The following KCNH8 variants were observed in gnomAD, a reference collection of about 807,000 sequenced individuals.
The protein encoded by KCNH8 is potassium voltage-gated channel subfamily H member 8, also known as voltage-gated delayed rectifier potassium channel KCNH8.
A neutral mutation model predicts 103.6 loss-of-function variants in KCNH8; 70 were observed. That is an observed-to-expected ratio of 0.68 (90% CI 0.56 to 0.82). The LOEUF (loss-of-function observed/expected upper bound fraction) is 0.82. Ranked by LOEUF, KCNH8 falls within the 40% of genes least tolerant of loss-of-function variation. KCNH8 has a pLI of 0.00. For missense variants in KCNH8, 1,217 were observed against 1,329.9 expected, an observed-to-expected ratio of 0.92 and a Z score of 1.32; for synonymous variants, 498 against 489.4, an observed-to-expected ratio of 1.02 and a Z score of -0.23.
At chr3:19,487,382 G>T (rs1211597578) in intron 11 of KCNH8, among the ~76,000 whole-genome samples, 1 of 152,196 alleles carries the variant, frequency 6.6e-6, no homozygotes, top group Non-Finnish European at 1.5e-5. Context: ...GTCCTGCACT[G>T]GCCGGTAGTC....
At chr3:19,304,758 A>C (rs1458269222) in intron 3 of KCNH8, among the ~76,000 whole-genome samples, 1 of 152,190 alleles carries the variant, frequency 6.6e-6, no homozygotes, top group Non-Finnish European at 1.5e-5. Flanking sequence ...TGTGCTGTCC[A>C]GTACAGTAAC....
Position 19,281,335 on chromosome 3 carries a change from T to C in KCNH8, c.442+6T>C. 6.3e-7 allele frequency: 1 copy of C among 1,584,070 alleles called. No individual in the cohort carries two copies. Among genetic ancestry groups the C allele is most frequent in the South Asian group, 1.2e-5 (1 of 85,076 alleles). ...TCCAGAAGATAAAAAAGAAGGTTTG[T>C]ACCGTTTTCAGAAAACATTGACAGA... On this transcript the variant is annotated splice_donor_region_variant and intron_variant, in intron 3 of 15. Coordinates refer to ENST00000328405, the MANE Select transcript of KCNH8 (RefSeq NM_144633.3).
At chr3:19,470,983 C>T (rs2067844370) in intron 11 of KCNH8, among the ~76,000 whole-genome samples, 1 of 152,040 alleles carries the variant, frequency 6.6e-6, no homozygotes, top group Non-Finnish European at 1.5e-5. Context: ...CGACATATAC[C>T]CTGCAAAGAG....
chr3:19,167,876 TGTGA>T (rs556693960), intron 1 of KCNH8, among the ~76,000 whole-genome samples: 59 of 152,322 alleles, frequency 3.9e-4, no homozygotes, highest in Non-Finnish European at 7.5e-4. Context: ...TGTGTTTGTG[TGTGA>T]GTGTGTGTGT....
chr3:19,424,200 T>C (rs1006902836), intron 7 of KCNH8, among the ~76,000 whole-genome samples: 20 of 152,024 alleles, frequency 1.3e-4, no homozygotes, highest in African/African-American at 4.6e-4. Flanking sequence ...TTACCTGATA[T>C]ACTACAAGGC....
intron 10 of KCNH8, among the ~76,000 whole-genome samples, chr3:19,451,981 TATTA>T (rs1464026617): frequency 6.6e-6 from 1 of 152,186 alleles, no homozygotes; most frequent in Non-Finnish European, 1.5e-5. Context: ...TGACTCTCAA[TATTA>T]ATACATAATT....
At chr3:19,230,467 T>G (rs2063981464) in intron 1 of KCNH8, among the ~76,000 whole-genome samples, 1 of 152,180 alleles carries the variant, frequency 6.6e-6, no homozygotes, top group Admixed American at 6.5e-5. Flanking sequence ...CAGAACCAGA[T>G]AGCATAAATA....
At chr3:19,349,557 A>C (rs987857178) in intron 5 of KCNH8, among the ~76,000 whole-genome samples, 1 of 152,036 alleles carries the variant, frequency 6.6e-6, no homozygotes, top group Non-Finnish European at 1.5e-5. Flanking sequence ...GTTATTTACA[A>C]CTTTGTTATT....
intron 1 of KCNH8, among the ~76,000 whole-genome samples, chr3:19,206,600 T>TG (rs2063719294): frequency 6.6e-6 from 1 of 152,032 alleles, no homozygotes; most frequent in African/African-American, 2.4e-5. Flanking sequence ...TGTCATCTTA[T>TG]GGGGGCTGGG....
chr3:19,206,683 C>T (rs2063720343), intron 1 of KCNH8, among the ~76,000 whole-genome samples: 2 of 151,796 alleles, frequency 1.3e-5, no homozygotes, highest in Non-Finnish European at 1.5e-5. Flanking sequence ...GTAGCATTAC[C>T]CAGTTGTGAC....
At chr3:19,372,457 G>T (rs988582050) in intron 5 of KCNH8, among the ~76,000 whole-genome samples, 3 of 150,946 alleles carry the variant, frequency 2.0e-5, no homozygotes, top group Non-Finnish European at 4.5e-5. Context: ...TTTGTACATT[G>T]ATTTTGTATC....
In KCNH8 at chr3:19,533,962, T is replaced by A. The variant is rs1270868914; in HGVS notation, c.3187T>A (p.Phe1063Ile). 1 of 1,614,126 alleles carries A rather than the reference T, an allele frequency of 6.2e-7. No homozygotes were observed. The highest frequency in any genetic ancestry group is 1.7e-5 in the Admixed American group (1 of 60,026). Residue 1063 changes from phenylalanine to isoleucine, a missense_variant, in exon 16 of 16, where the codon TTC becomes ATC. This residue lies in a region of KCNH8 where 558 missense variants were observed against 495.8 expected (regional missense o/e 1.13). Transcript: ENST00000328405. Reference protein sequence around the residue: ...GSFSQGTVSSFSLENLPGSWN... With the variant: ...GSFSQGTVSSISLENLPGSWN... ...CTTCAGTCAGGGAACTGTGAGTTCC[T>A]TCAGTCTGGAAAACTTACCAGGATC...
At chr3:19,226,893 A>G (rs1354762332) in intron 1 of KCNH8, among the ~76,000 whole-genome samples, 2 of 152,218 alleles carry the variant, frequency 1.3e-5, no homozygotes, top group African/African-American at 4.8e-5. Context: ...TGATTTGTAT[A>G]CAATTCTGCA....
chr3:19,376,357 A>C (rs962476344), intron 5 of KCNH8, among the ~76,000 whole-genome samples: 1 of 151,870 alleles, frequency 6.6e-6, no homozygotes, highest in African/African-American at 2.4e-5. Flanking sequence ...GAGTGACCCG[A>C]TTTTCCAGGT....
At chr3:19,226,857 A>G (rs1003546840) in intron 1 of KCNH8, among the ~76,000 whole-genome samples, 6 of 152,188 alleles carry the variant, frequency 3.9e-5, no homozygotes, top group Non-Finnish European at 8.8e-5. Context: ...AATAACAGGA[A>G]AAAACACCCA....
chr3:19,323,125 C>T (rs943470319), intron 3 of KCNH8, among the ~76,000 whole-genome samples: 5 of 151,358 alleles, frequency 3.3e-5, no homozygotes, highest in South Asian at 2.1e-4. Flanking sequence ...TGGATTTTAC[C>T]TTTCTTTGGT....
chr3:19,406,129 T>C (rs981055746), intron 7 of KCNH8, among the ~76,000 whole-genome samples: 3 of 152,080 alleles, frequency 2.0e-5, no homozygotes, highest in African/African-American at 7.2e-5. Flanking sequence ...TGTTGACATA[T>C]CTTTAGTGGT....
intron 7 of KCNH8, among the ~76,000 whole-genome samples, chr3:19,426,913 A>C (rs1437691481): frequency 1.3e-5 from 2 of 152,108 alleles, no homozygotes; most frequent in Admixed American, 6.6e-5. Context: ...TCCTTTCTCA[A>C]ACCTCCTTTC....
intron 1 of KCNH8, among the ~76,000 whole-genome samples, chr3:19,222,212 A>G (rs947499571): frequency 6.6e-6 from 1 of 152,200 alleles, no homozygotes; most frequent in Non-Finnish European, 1.5e-5. Flanking sequence ...ATAGCTCAAA[A>G]GCTCTATGAA....
Sources: allele counts gnomAD v4.1 joint callset (sites outside exome capture counted in the v4.1 genomes callset), GRCh38; gene constraint gnomAD v4.1.1; regional missense constraint gnomAD v4.1.1; transcripts MANE v1.5; gene names NCBI Gene and HGNC (gene_info 2026-07-23, HGNC 2026-07-21).